TDRD5: variants seen among roughly 807,000 people sequenced by gnomAD.
TDRD5 encodes tudor domain-containing protein 5.
A neutral mutation model predicts 120.6 loss-of-function variants in TDRD5; 41 were observed. The observed-to-expected ratio is 0.34, with a 90% CI of 0.26 to 0.44. TDRD5 has a LOEUF of 0.44. TDRD5 is among the 20% of genes least tolerant of loss of function. The pLI is 1.00. For synonymous variants in TDRD5, 430 were observed against 433.7 expected, an observed-to-expected ratio of 0.99 and a Z score of 0.11; for missense variants, 1,006 against 1,221.2, an observed-to-expected ratio of 0.82 and a Z score of 2.63.
intron 17 of TDRD5, among the ~76,000 whole-genome samples, chr1:179,675,470 G>A (rs1402936854): frequency 3.3e-5 from 5 of 149,326 alleles, no homozygotes; most frequent in South Asian, 4.3e-4. Context: ...TAGTAGAGAC[G>A]GGGTTTCACC....
chr1:179,678,542 A>G (rs1680257921), intron 17 of TDRD5, among the ~76,000 whole-genome samples: 1 of 152,190 alleles, frequency 6.6e-6, no homozygotes, highest in South Asian at 2.1e-4. Context: ...CCTGCCTCCT[A>G]TCCGCCATCT....
intron 4 of TDRD5, among the ~76,000 whole-genome samples, chr1:179,616,837 C>G (rs1676588241): frequency 6.6e-6 from 1 of 152,124 alleles, no homozygotes; most frequent in South Asian, 2.1e-4. Flanking sequence ...ATGCGTTGAT[C>G]TCACTTCCCT....
At chr1:179,596,493 C>T (rs930795739) in intron 4 of TDRD5, among the ~76,000 whole-genome samples, 2 of 152,174 alleles carry the variant, frequency 1.3e-5, no homozygotes, top group Non-Finnish European at 2.9e-5. Context: ...AGTTTCTTTC[C>T]CCAACTGCAG....
intron 17 of TDRD5, among the ~76,000 whole-genome samples, chr1:179,682,599 T>C (rs1288443255): frequency 1.3e-5 from 2 of 152,154 alleles, no homozygotes; most frequent in African/African-American, 2.4e-5. Context: ...TAGTATTCCA[T>C]GGTGTATATG....
intron 17 of TDRD5, among the ~76,000 whole-genome samples, chr1:179,690,368 T>TG (rs932896055): frequency 2.6e-5 from 4 of 152,240 alleles, no homozygotes; most frequent in Non-Finnish European, 5.9e-5. Flanking sequence ...GAAGCACTTA[T>TG]GGGCTCTTTG....
chr1:179,635,788 G>C lies in TDRD5; in HGVS notation c.1421G>C (p.Gly474Ala). ...CCATTAGACACCAGTTCCCTCATAG[G>C]GGTCTTTGTGGAGTATATCATCTCT... ...LPPLDTSSLI[G>A]VFVEYIISPS... The change falls in exon 9 of 18, where the codon GGG (glycine) becomes GCG (alanine). Residue 474 changes from glycine to alanine, a missense_variant. By Grantham distance (60) the Gly-to-Ala change is moderately conservative (BLOSUM62 0). Around this residue, in one of 3 missense-constraint regions of TDRD5, gnomAD observed 158 missense variants for 257.5 expected, o/e 0.61. Transcript: ENST00000444136. The C allele has an allele frequency of 1.2e-6, 2 of 1,613,948 alleles. No homozygotes were observed. Among genetic ancestry groups the C allele is most frequent in the Non-Finnish European group, 1.7e-6 (2 of 1,179,978 alleles).
At chr1:179,657,882 G>A (rs901628876) in intron 14 of TDRD5, among the ~76,000 whole-genome samples, 2 of 151,992 alleles carry the variant, frequency 1.3e-5, no homozygotes, top group African/African-American at 2.4e-5. Context: ...CTACTCTCCT[G>A]GCAATTTTTA....
chr1:179,593,748 C>G lies in TDRD5; in HGVS notation c.521C>G (p.Ser174Cys), dbSNP rs1675240298. 1.2e-6 allele frequency: 2 copies of G among 1,614,110 alleles called. No individual in the cohort carries two copies. The highest frequency in any genetic ancestry group is 1.3e-5 in the African/African-American group (1 of 74,934). Residue 174 changes from serine (S) to cysteine (C), a missense_variant, in exon 3 of 18, where the codon TCT becomes TGT. Ser to Cys is a moderately radical substitution (Grantham distance 112). This residue lies in a region of TDRD5 where 445 missense variants were observed against 515.5 expected (regional missense o/e 0.86). Transcript: ENST00000444136. ...CAATACATGCAATATGGATTTCTCT[C>G]TATGTTTGAAGTGCTTAATGCGGCT... ...SFQYMQYGFL[S>C]MFEVLNAASD... is the part of the protein sequence containing the mutation.
At chr1:179,617,369 CATT>C (rs1371879155) in intron 4 of TDRD5, among the ~76,000 whole-genome samples, 1 of 152,140 alleles carries the variant, frequency 6.6e-6, no homozygotes, top group African/African-American at 2.4e-5. Context: ...ATGTGCCAGG[CATT>C]ATGTTATGCA....
chr1:179,650,796 T>C, intron 11 of TDRD5, 71 bp from the exon 12 acceptor site: 1 of 1,474,748 alleles, frequency 6.8e-7, no homozygotes, highest in East Asian at 2.3e-5. Flanking sequence ...TCAGAATTCA[T>C]TGTTGTATAT....
intron 5 of TDRD5, among the ~76,000 whole-genome samples, chr1:179,620,520 G>A (rs1289704333): frequency 6.6e-6 from 1 of 152,102 alleles, no homozygotes; most frequent in Admixed American, 6.5e-5. Flanking sequence ...GACATGGAAA[G>A]ATGTCTTTGG....
At chr1:179,664,591 T>TTA (rs1189811364) in intron 16 of TDRD5, among the ~76,000 whole-genome samples, 1 of 152,196 alleles carries the variant, frequency 6.6e-6, no homozygotes, top group East Asian at 1.9e-4. Context: ...CACCTAGCAT[T>TTA]AATAATGTCT....
At chr1:179,632,672 G>A (rs1429079523) in intron 7 of TDRD5, among the ~76,000 whole-genome samples, 1 of 152,010 alleles carries the variant, frequency 6.6e-6, no homozygotes, top group Non-Finnish European at 1.5e-5. Flanking sequence ...GAGGTAACTA[G>A]CATTAATAGT....
At chr1:179,677,351 C>A (rs1680191274) in intron 17 of TDRD5, among the ~76,000 whole-genome samples, 1 of 152,054 alleles carries the variant, frequency 6.6e-6, no homozygotes, top group Admixed American at 6.6e-5. Flanking sequence ...CTTTTTCTGG[C>A]AATTCAGAGA....
intron 13 of TDRD5, among the ~76,000 whole-genome samples, chr1:179,653,274 ATTTTG>A (rs1431400768): frequency 6.6e-6 from 1 of 152,174 alleles, no homozygotes; most frequent in South Asian, 2.1e-4. Context: ...TAAAAATATT[ATTTTG>A]TTTAGTGTGT....
chr1:179,644,786 C>A (rs1678250890), intron 11 of TDRD5, among the ~76,000 whole-genome samples: 1 of 151,782 alleles, frequency 6.6e-6, no homozygotes, highest in Non-Finnish European at 1.5e-5. Flanking sequence ...TTCAAAGAAC[C>A]AAGTTTGGCT....
At chr1:179,604,364 T>C (rs191090348) in intron 4 of TDRD5, among the ~76,000 whole-genome samples, 1 of 152,006 alleles carries the variant, frequency 6.6e-6, no homozygotes, top group Non-Finnish European at 1.5e-5. Context: ...TTTTTTGTTG[T>C]TGTTAATTTC....
intron 11 of TDRD5, among the ~76,000 whole-genome samples, chr1:179,646,923 A>G (rs1413777559): frequency 6.6e-6 from 1 of 150,868 alleles, no homozygotes; most frequent in Non-Finnish European, 1.5e-5. Flanking sequence ...AAGGAGAACT[A>G]CAAACCACTG....
intron 6 of TDRD5, among the ~76,000 whole-genome samples, chr1:179,626,586 C>T (rs112208482): frequency 6.6e-6 from 1 of 152,048 alleles, no homozygotes; most frequent in Non-Finnish European, 1.5e-5. Flanking sequence ...TACGTGCTGG[C>T]CTATTTTGGG....
Sources: gnomAD v4.1 joint callset for allele counts (sites outside exome capture counted in the v4.1 genomes callset) on GRCh38, gnomAD v4.1.1 for gene constraint, gnomAD v4.1.1 regional missense constraint, MANE v1.5 for transcripts, NCBI Gene and HGNC (gene_info 2026-07-23, HGNC 2026-07-21) for gene names.